The following CTNNA3 variants were observed in gnomAD, a reference collection of about 807,000 sequenced individuals.
CTNNA3 encodes the protein catenin alpha 3, also known as catenin alpha-3.
In CTNNA3, 76 loss-of-function variants were observed where a neutral mutation model predicts 95.7. That is an observed-to-expected ratio of 0.79 (90% CI 0.66 to 0.96). The LOEUF is 0.96. Among genes scored for constraint, CTNNA3 ranks in the 40% least tolerant of loss-of-function variants. CTNNA3 has a pLI of 0.00. For synonymous variants in CTNNA3, 431 were observed against 374.4 expected (o/e 1.15, Z -1.74); for missense variants, 1,191 against 1,089.8 (o/e 1.09, Z -1.31).
At chr10:66,978,247 C>A (rs138398024) in intron 7 of CTNNA3, among the ~76,000 whole-genome samples, 1 of 151,812 alleles carries the variant, frequency 6.6e-6, no homozygotes, top group Non-Finnish European at 1.5e-5. Flanking sequence ...TATTGTGGGC[C>A]AAGTGCACTG....
rs185315244 is a variant in CTNNA3 at position 66,443,878 on chromosome 10, G to A, written c.1532-64526C>T. 2.5e-3 allele frequency among the ~76,000 whole-genome samples: 374 copies of A among 152,250 alleles called. 5 individuals carry two copies. Among genetic ancestry groups the A allele is most frequent in the East Asian group, 2.5e-3 (13 of 5,160 alleles). On this transcript the variant is annotated intron_variant, in intron 11 of 17. Transcript: ENST00000433211. ...GCTTCAGACGATCAAACTACTCCGA[G>A]CTACAGGAGGAAATTCAAACCAATG...
chr10:67,031,753 T>C (rs1339970431), intron 7 of CTNNA3, among the ~76,000 whole-genome samples: 1 of 152,168 alleles, frequency 6.6e-6, no homozygotes, highest in East Asian at 1.9e-4. Flanking sequence ...GTGTTAAAGA[T>C]CTAAGAAATG....
At chr10:66,302,280 C>G (rs2091873151) in intron 12 of CTNNA3, among the ~76,000 whole-genome samples, 1 of 151,822 alleles carries the variant, frequency 6.6e-6, no homozygotes. Flanking sequence ...TAATACAATC[C>G]CTATCAAAAT....
At chr10:67,305,609 A>G (rs957448419) in intron 5 of CTNNA3, among the ~76,000 whole-genome samples, 2 of 152,068 alleles carry the variant, frequency 1.3e-5, no homozygotes, top group African/African-American at 4.8e-5. Context: ...AAATAAATAA[A>G]TAAATAAAGC....
chr10:67,159,828 G>A (rs1279067866), intron 7 of CTNNA3, among the ~76,000 whole-genome samples: 1 of 152,124 alleles, frequency 6.6e-6, no homozygotes, highest in South Asian at 2.1e-4. Context: ...TCTTGGGTAT[G>A]ACTCCAAAAG....
At chr10:67,023,514 C>T (rs578235170) in intron 7 of CTNNA3, among the ~76,000 whole-genome samples, 4 of 152,236 alleles carry the variant, frequency 2.6e-5, no homozygotes, top group African/African-American at 9.6e-5. Context: ...ATAGCTCTAA[C>T]TTAAGGGATC....
intron 12 of CTNNA3, among the ~76,000 whole-genome samples, chr10:66,364,678 A>T (rs1275468219): frequency 6.6e-6 from 1 of 152,186 alleles, no homozygotes; most frequent in Non-Finnish European, 1.5e-5. Context: ...ACAGAGGAAC[A>T]TTGAAGATCT....
intron 7 of CTNNA3, among the ~76,000 whole-genome samples, chr10:66,985,558 C>A (rs1850680526): frequency 6.6e-6 from 1 of 151,984 alleles, no homozygotes; most frequent in African/African-American, 2.4e-5. Flanking sequence ...CAACCAGAGG[C>A]CAGAAGTAAG....
At chr10:67,324,020 G>T (rs989745867) in intron 5 of CTNNA3, among the ~76,000 whole-genome samples, 1 of 152,098 alleles carries the variant, frequency 6.6e-6, no homozygotes, top group East Asian at 1.9e-4. Context: ...CAGCTTGATT[G>T]TTGTTGGTAC....
chr10:66,956,398 A>T (rs994486379), intron 7 of CTNNA3, among the ~76,000 whole-genome samples: 4 of 152,020 alleles, frequency 2.6e-5, no homozygotes, highest in African/African-American at 9.7e-5. Flanking sequence ...TATCTTGTTA[A>T]TGTATTGACC....
At chr10:66,908,675 T>G (rs1488160716) in intron 7 of CTNNA3, among the ~76,000 whole-genome samples, 1 of 150,838 alleles carries the variant, frequency 6.6e-6, no homozygotes, top group East Asian at 1.9e-4. Context: ...TTAATCATTG[T>G]TTTTTTTTAA....
At chr10:67,386,589 G>A (rs1017626009) in intron 5 of CTNNA3, among the ~76,000 whole-genome samples, 1 of 152,164 alleles carries the variant, frequency 6.6e-6, no homozygotes, top group Non-Finnish European at 1.5e-5. Context: ...CTAGGGGGAA[G>A]TGAACAAAAA....
intron 12 of CTNNA3, among the ~76,000 whole-genome samples, chr10:66,309,933 ATAAATAAATAAATAAATAAAT>A (rs1432115083): frequency 6.9e-6 from 1 of 145,156 alleles, no homozygotes; most frequent in Non-Finnish European, 1.5e-5. Context: ...AAATAAATAA[ATAAATAAATAAATAAATAAAT>A]AAAATAAAAA....
intron 7 of CTNNA3, among the ~76,000 whole-genome samples, chr10:66,964,805 G>T (rs1849312350): frequency 6.6e-6 from 1 of 152,146 alleles, no homozygotes; most frequent in South Asian, 2.1e-4. Context: ...GAGGCAGACT[G>T]CAAACCCATC....
chr10:67,287,547 C>A (rs937631315), intron 5 of CTNNA3, among the ~76,000 whole-genome samples: 1 of 152,184 alleles, frequency 6.6e-6, no homozygotes, highest in South Asian at 2.1e-4. Flanking sequence ...ATTTCTCACA[C>A]TGACTGCATA....
chr10:67,556,943 T>C (rs2133244526), intron 3 of CTNNA3, among the ~76,000 whole-genome samples: 1 of 152,372 alleles, frequency 6.6e-6, no homozygotes, highest in African/African-American at 2.4e-5. Context: ...CCAGAGATTC[T>C]GGTATGCTGT....
Position 66,583,594 on chromosome 10 carries a change from C to T in CTNNA3, c.1374+38098G>A, listed in dbSNP as rs150992086. Among the ~76,000 whole-genome samples, 1,078 of 151,526 alleles carry T rather than the reference C, an allele frequency of 7.1e-3. 11 individuals carry two copies. Among genetic ancestry groups the T allele is most frequent in the African/African-American group, 0.024 (1,008 of 41,428 alleles). ...CTCTTCTTGTCTTGGTTTTAATCTA[C>T]CTAGTGTTCTAACAATTTTATCTTT... On this transcript the variant is annotated intron_variant, in intron 10 of 17. Coordinates refer to ENST00000433211, the MANE Select transcript of CTNNA3 (RefSeq NM_013266.4).
At chr10:66,072,925 A>C (rs1296787488) in intron 14 of CTNNA3, among the ~76,000 whole-genome samples, 1 of 152,200 alleles carries the variant, frequency 6.6e-6, no homozygotes, top group Admixed American at 6.6e-5. Context: ...CTTGTGGAAT[A>C]CATAATGGAA....
At chr10:66,715,418 T>C (rs772869947) in intron 9 of CTNNA3, among the ~76,000 whole-genome samples, 4 of 152,138 alleles carry the variant, frequency 2.6e-5, no homozygotes, top group Non-Finnish European at 5.9e-5. Flanking sequence ...AATTGTTTAT[T>C]GGTAAGCCCA....
Sources: gnomAD v4.1 joint callset for allele counts (sites outside exome capture counted in the v4.1 genomes callset) on GRCh38, gnomAD v4.1.1 for gene constraint, MANE v1.5 for transcripts, NCBI Gene and HGNC (gene_info 2026-07-23, HGNC 2026-07-21) for gene names.